GEMIN2: variants seen among roughly 807,000 people sequenced by gnomAD.
The protein encoded by GEMIN2 is gem nuclear organelle associated protein 2.
A neutral mutation model predicts 45.8 loss-of-function variants in GEMIN2; 37 were observed. The ratio of observed to expected loss-of-function variants is 0.81; its 90% CI spans 0.62 to 1.06. The LOEUF is 1.06. Ranked by LOEUF, GEMIN2 falls within the 50% of genes least tolerant of loss-of-function variation. The pLI, the probability that GEMIN2 is intolerant of heterozygous loss-of-function variation, is 0.00. For missense variants in GEMIN2, 335 were observed against 321.8 expected, an observed-to-expected ratio of 1.04 and a Z score of -0.31; for synonymous variants, 101 against 111.5, an observed-to-expected ratio of 0.91 and a Z score of 0.60.
chr14:39,128,951 T>C (rs2052681309), intron 7 of GEMIN2, among the ~76,000 whole-genome samples: 1 of 152,096 alleles, frequency 6.6e-6, no homozygotes, highest in South Asian at 2.1e-4. Flanking sequence ...TTTCCAGTAT[T>C]TAAATATGTT....
chr14:39,134,946 C>G (rs1357926332), intron 9 of GEMIN2, among the ~76,000 whole-genome samples: 1 of 152,184 alleles, frequency 6.6e-6, no homozygotes, highest in Non-Finnish European at 1.5e-5. Flanking sequence ...TATCTCTACT[C>G]TTTACAATAG....
chr14:39,123,071 A>G (rs1272178376), intron 5 of GEMIN2, among the ~76,000 whole-genome samples: 1 of 152,190 alleles, frequency 6.6e-6, no homozygotes, highest in Admixed American at 6.5e-5. Context: ...CACATATTCT[A>G]AAGATGAAAT....
Position 39,133,658 on chromosome 14 carries a change from TA to T in GEMIN2, c.712-2del. 1.4e-6 allele frequency: 2 copies of T among 1,440,448 alleles called. No individual in the cohort carries two copies. Among genetic ancestry groups the T allele is most frequent in the Admixed American group, 2.1e-5 (1 of 47,254 alleles). 89.2% of individuals were successfully genotyped at this position (1,440,448 alleles called of 1,614,324 possible). On this transcript the variant is annotated splice_acceptor_variant, in intron 8 of 9. Coordinates refer to ENST00000308317, the MANE Select transcript of GEMIN2 (RefSeq NM_003616.3). LOFTEE classifies it high-confidence loss of function. The stretch of plus-strand genomic sequence containing the variant: ...ATTTAAATTTTTCTTTTTTTTTTTT[TA>T]GGATAGCAAAGATGATGAGAGGGTT...
chr14:39,134,010 G>T (rs570583164), intron 9 of GEMIN2: 25 of 181,578 alleles, frequency 1.4e-4, no homozygotes, highest in African/African-American at 5.6e-4. Context: ...TGCCCAGGCT[G>T]GTCTCAAAAC....
At chr14:39,119,575 CACA>C (rs575032572) in intron 4 of GEMIN2, among the ~76,000 whole-genome samples, 1 of 152,290 alleles carries the variant, frequency 6.6e-6, no homozygotes, top group South Asian at 2.1e-4. Context: ...TGCACCTATG[CACA>C]ACATTTTAGT....
intron 4 of GEMIN2, among the ~76,000 whole-genome samples, chr14:39,119,099 T>C (rs1011985965): frequency 6.6e-5 from 10 of 152,164 alleles, no homozygotes; most frequent in African/African-American, 2.4e-4. Context: ...TAATTCACAA[T>C]ATCTTGGGGG....
chr14:39,114,794 A>C, intron 1 of GEMIN2, 35 bp from the exon 2 acceptor site: 5 of 1,123,060 alleles, frequency 4.5e-6, no homozygotes, highest in Non-Finnish European at 6.8e-6. Flanking sequence ...AGCACAACAG[A>C]AATTTAATTT....
intron 2 of GEMIN2, among the ~76,000 whole-genome samples, chr14:39,116,733 T>C (rs1594508249): frequency 6.6e-6 from 1 of 152,290 alleles, no homozygotes; most frequent in Admixed American, 6.5e-5. Context: ...AATGTCTTAA[T>C]ATACCTAATT....
At chr14:39,128,533 C>T (rs2052676925) in intron 7 of GEMIN2, among the ~76,000 whole-genome samples, 185 bp downstream of exon 7, 1 of 143,490 alleles carries the variant, frequency 7.0e-6, no homozygotes, top group Non-Finnish European at 1.5e-5. Flanking sequence ...CTCTGTTACC[C>T]AGGCTGGGGT....
At chr14:39,121,171 T>C (rs188754892) in intron 4 of GEMIN2, among the ~76,000 whole-genome samples, 1 of 152,302 alleles carries the variant, frequency 6.6e-6, no homozygotes, top group Admixed American at 6.5e-5. Flanking sequence ...CATACTTATT[T>C]CTGTCTTTAT....
At chr14:39,121,888 T>C in intron 4 of GEMIN2, 1 of 170,516 alleles carries the variant, frequency 5.9e-6, no homozygotes, top group Non-Finnish European at 1.3e-5. Flanking sequence ...AATTTTTTTT[T>C]TTTTTGTATT....
At position 39,131,941 on chromosome 14, in the gene GEMIN2, T is replaced by C. The variant is rs531541693; in HGVS notation, c.601-17T>C. On this transcript the variant is annotated splice_polypyrimidine_tract_variant and intron_variant, in intron 7 of 9. Transcript: ENST00000308317. ...TCAGTATTTGTCTAAATATTAATTT[T>C]TTGAATTTTTTTTTAGGGAAGATGG... The C allele has an allele frequency of 2.3e-6, 3 of 1,306,482 alleles. No individual in the cohort carries two copies. The highest frequency in any genetic ancestry group is 3.3e-6 in the Non-Finnish European group (3 of 906,222). The allele number at this position is 1,306,482 out of a possible 1,614,324, so 80.9% of individuals were successfully genotyped here.
intron 8 of GEMIN2, among the ~76,000 whole-genome samples, chr14:39,133,068 G>A (rs1332159404): frequency 7.0e-6 from 1 of 142,394 alleles, no homozygotes; most frequent in African/African-American, 2.5e-5. Context: ...ATATAATTCA[G>A]TAATGAATAT....
intron 6 of GEMIN2, among the ~76,000 whole-genome samples, 199 bp from the exon 7 acceptor site, chr14:39,128,067 CAAAAAAAAAAAAAA>C (rs1212260025): frequency 9.5e-5 from 1 of 10,552 alleles, no homozygotes; most frequent in Admixed American, 1.0e-3. Flanking sequence ...GACTCTATCT[CAAAAAAAAAAAAAA>C]AAAAAAAAAA....
chr14:39,129,780 C>T (rs1419135843), intron 7 of GEMIN2, among the ~76,000 whole-genome samples: 3 of 151,764 alleles, frequency 2.0e-5, no homozygotes, highest in Non-Finnish European at 4.4e-5. Context: ...ATAATCTGAA[C>T]TATACTTGTT....
Position 39,125,042 on chromosome 14 carries a change from A to T in GEMIN2, c.531+6A>T. 1.5e-6 allele frequency: 2 copies of T among 1,339,654 alleles called. No homozygotes were observed. Among genetic ancestry groups the T allele is most frequent in the Non-Finnish European group, 2.1e-6 (2 of 933,272 alleles). 83.0% of individuals were successfully genotyped at this position (1,339,654 alleles called of 1,614,324 possible). A position where few individuals can be genotyped will look rare whatever the true frequency, so the allele number is the denominator to read the frequency against. On this transcript the variant is annotated splice_donor_region_variant and intron_variant, in intron 6 of 9. Coordinates refer to ENST00000308317, the MANE Select transcript of GEMIN2 (RefSeq NM_003616.3). ...TTGTTAGCAGAATGAATCAGGTAAAATTAATAATAGAGATATATGCATTCT... is the reference window on the plus strand; with the variant it reads ...TTGTTAGCAGAATGAATCAGGTAAATTTAATAATAGAGATATATGCATTCT...
rs1366269595 is a variant in GEMIN2, at chr14:39,131,007, AG to A, written c.601-949del. 2.6e-5 allele frequency among the ~76,000 whole-genome samples: 4 copies of A among 152,090 alleles called. No homozygotes were observed. The East Asian group carries it at 7.7e-4, about 29-fold the overall frequency. On this transcript the variant is annotated intron_variant, in intron 7 of 9. Transcript: ENST00000308317. ...CAACTGATGAAATTGTATTGAAAAA[AG>A]GTTGTACAGCCGGGCATGGTGGCTC...
Position 39,136,424 on chromosome 14 carries a change from G to GTTTT in GEMIN2, c.771-9_771-6dup. 8.2e-7 allele frequency: 1 copy of GTTTT among 1,212,216 alleles called. No homozygotes were observed. Among genetic ancestry groups the GTTTT allele is most frequent in the Non-Finnish European group, 1.2e-6 (1 of 849,548 alleles). 75.1% of individuals were successfully genotyped at this position (1,212,216 alleles called of 1,614,324 possible). Reference sequence around the variant, plus strand: ...TAATATCTTTATACATAAATTTTTTGTTTTTTTTTTACTAGGTATTTTGAC... The same window carrying GTTTT: ...TAATATCTTTATACATAAATTTTTTGTTTTTTTTTTTTTTACTAGGTATTTTGAC... On this transcript the variant is annotated splice_polypyrimidine_tract_variant and intron_variant, in intron 9 of 9. Transcript: ENST00000308317.
At chr14:39,132,107 C>A (rs1566537306) in intron 8 of GEMIN2, 39 bp downstream of exon 8, 1 of 896,632 alleles carries the variant, frequency 1.1e-6, no homozygotes, top group Admixed American at 1.8e-5. Context: ...AAAGCACCCA[C>A]CAATTTATAT....
Sources: allele counts gnomAD v4.1 joint callset (sites outside exome capture counted in the v4.1 genomes callset), GRCh38; gene constraint gnomAD v4.1.1; transcripts MANE v1.5; gene names NCBI Gene and HGNC (gene_info 2026-07-23, HGNC 2026-07-21).